The following GEN1 variants were observed in gnomAD, a reference collection of about 807,000 sequenced individuals.
GEN1 encodes the protein flap endonuclease GEN homolog 1.
In GEN1, 64 loss-of-function variants were observed where a neutral mutation model predicts 67.6. The observed-to-expected ratio is 0.95, with a 90% CI of 0.77 to 1.17. GEN1 has a LOEUF of 1.17. Ranked by LOEUF, GEN1 falls within the 50% of genes most tolerant of loss-of-function variation. The probability of loss-of-function intolerance (pLI) is 0.00; values close to 1 mark genes in which losing one functional copy is unlikely to be tolerated. For missense variants in GEN1, 1,058 were observed against 1,048.3 expected, an observed-to-expected ratio of 1.01 and a Z score of -0.13; for synonymous variants, 371 against 359.4, an observed-to-expected ratio of 1.03 and a Z score of -0.37.
chr2:17,774,463 ATT>A, intron 11 of GEN1, 62 bp downstream of exon 11: 1 of 1,372,968 alleles, frequency 7.3e-7, no homozygotes, highest in Non-Finnish European at 9.8e-7. Context: ...TAATTAAAAT[ATT>A]CCTAATATCT....
intron 11 of GEN1, among the ~76,000 whole-genome samples, chr2:17,776,582 G>A (rs922324049): frequency 1.3e-5 from 2 of 152,232 alleles, no homozygotes; most frequent in Middle Eastern, 3.4e-3. Context: ...TACTATTTTT[G>A]CAACTTTTAT....
chr2:17,764,884 T>C lies in GEN1; in HGVS notation c.349-13T>C, dbSNP rs759120118. The C allele has an allele frequency of 6.2e-7, 1 of 1,607,364 alleles. No homozygotes were observed. Among genetic ancestry groups the C allele is most frequent in the Admixed American group, 1.7e-5 (1 of 58,018 alleles). On this transcript the variant is annotated splice_polypyrimidine_tract_variant and intron_variant, in intron 3 of 13. Transcript: ENST00000381254. ...ACATTCTTTAACATCTTGCACCTGC[T>C]TTTTGTTTTCAGTGCCTCCATATGC...
rs1672894461 is a variant in GEN1 at position 17,782,515 on chromosome 2, G to A, written c.*576G>A. The A allele has an allele frequency of 6.6e-6, 1 of 152,104 alleles. No homozygotes were observed. 9.4% of individuals were successfully genotyped at this position (152,104 alleles called of 1,614,324 possible). The stretch of plus-strand genomic sequence containing the variant: ...ACCTTTAGTGTGCTCTTCCACTTTT[G>A]GTGTCTTAGTCTCTTTTGAGGGGCA... On this transcript the variant is annotated 3_prime_UTR_variant, in exon 14 of 14. Coordinates refer to ENST00000381254, the MANE Select transcript of GEN1 (RefSeq NM_001130009.3).
chr2:17,766,913 G>C (rs1671962876), intron 5 of GEN1, among the ~76,000 whole-genome samples: 1 of 152,156 alleles, frequency 6.6e-6, no homozygotes. Context: ...GAATAATGTA[G>C]TACCACAGCT....
intron 5 of GEN1, 27 bp from the exon 6 acceptor site, chr2:17,768,711 A>G (rs1193622252): frequency 1.3e-6 from 2 of 1,520,314 alleles, no homozygotes; most frequent in Non-Finnish European, 1.8e-6. Context: ...TAACATTGGA[A>G]TTATTTTTTT....
In GEN1 at chr2:17,781,821, C is replaced by G. The variant is rs1021584208; in HGVS notation, c.2609C>G (p.Ser870Ter). ...AATGAAGAAAGCTGTTTCCCAGATT[C>G]AACAAAAAGTTCTCTGAGTTCTCTA... Reference protein sequence around the residue: ...AENEESCFPDSTKSSLSSLQC... With the variant: ...AENEESCFPD The change falls in exon 14 of 14, where the codon TCA becomes TGA. Residue 870 changes from serine to a stop codon, truncating the protein, a stop_gained. Coordinates refer to ENST00000381254, the MANE Select transcript of GEN1 (RefSeq NM_001130009.3). LOFTEE classifies it low-confidence loss of function (END_TRUNC). 6 of 1,597,492 alleles carry G rather than the reference C, an allele frequency of 3.8e-6. No homozygotes were observed. The highest frequency in any genetic ancestry group is 1.3e-5 in the African/African-American group (1 of 74,182).
In GEN1 at chr2:17,780,772, A is replaced by G. The variant is rs1400736973; in HGVS notation, c.1560A>G (p.Glu520=). The change falls in exon 14 of 14, where the codon GAA becomes GAG. Residue 520 remains glutamate, a synonymous_variant. Transcript: ENST00000381254. ...CCCCTGATCCTACATTACCACAGGA[A>G]TCTATTTCTGCCTCATTGAATAGCT... is the stretch of plus-strand genomic sequence containing the variant. ...GISPDPTLPQ[E]SISASLNSLL... 2.5e-6 allele frequency: 4 copies of G among 1,613,912 alleles called. No individual in the cohort carries two copies. The African/African-American group carries it at 5.3e-5, about 22-fold the overall frequency.
rs767470039 is a variant in GEN1 at position 17,781,965 on chromosome 2, A to C, written c.*26A>C. ...AATTTAAAACACTTAGGTATAACTT[A>C]ACTATTTTAGTACTATCAGCAATAG... is the stretch of plus-strand genomic sequence containing the variant. On this transcript the variant is annotated 3_prime_UTR_variant, in exon 14 of 14. Transcript: ENST00000381254. 40 of 1,317,536 alleles carry C rather than the reference A, an allele frequency of 3.0e-5. No individual in the cohort carries two copies. The highest frequency in any genetic ancestry group is 5.8e-5 in the South Asian group (4 of 69,540). 81.6% of individuals were successfully genotyped at this position (1,317,536 alleles called of 1,614,324 possible). A position where few individuals can be genotyped will look rare whatever the true frequency, so the allele number is the denominator to read the frequency against.
chr2:17,768,762 C>T lies in GEN1; in HGVS notation c.661C>T (p.Gln221Ter). ...GGGAGTCCCTGGAGTTGGAAAAGAG[C>T]AAGCATTAAAACTTATACAGATTTT... ...PKGVPGVGKE[Q>*]ALKLIQILKG... Residue 221 changes from glutamine to a stop codon, truncating the protein, a stop_gained, in exon 6 of 14, where the codon CAA becomes TAA. Transcript: ENST00000381254. LOFTEE classifies it high-confidence loss of function. 6.2e-7 allele frequency: 1 copy of T among 1,610,898 alleles called. No homozygotes were observed. The highest frequency in any genetic ancestry group is 8.5e-7 in the Non-Finnish European group (1 of 1,178,084).
Position 17,787,048 on chromosome 2 carries a change from T to C in GEN1, c.*5109T>C, listed in dbSNP as rs924974725. On this transcript the variant is annotated 3_prime_UTR_variant, in exon 14 of 14. Coordinates refer to ENST00000381254, the MANE Select transcript of GEN1 (RefSeq NM_001130009.3). ...TTGGCTCTAGCCACCTAAGACCATT[T>C]GTTATTCCCTGCACGGATGTCTCTG... 2.0e-5 allele frequency: 3 copies of C among 152,216 alleles called. No homozygotes were observed. Among genetic ancestry groups the C allele is most frequent in the Non-Finnish European group, 2.9e-5 (2 of 68,058 alleles). 9.4% of individuals were successfully genotyped at this position (152,216 alleles called of 1,614,324 possible). A position where few individuals can be genotyped will look rare whatever the true frequency, so the allele number is the denominator to read the frequency against.
intron 1 of GEN1, among the ~76,000 whole-genome samples, chr2:17,756,763 T>C (rs1218970789): frequency 6.6e-6 from 1 of 152,174 alleles, no homozygotes; most frequent in Non-Finnish European, 1.5e-5. Context: ...TGCTGAGCCA[T>C]TTTCAAATAA....
At chr2:17,759,839 C>T in intron 1 of GEN1, 90 bp from the exon 2 acceptor site, 3 of 1,125,344 alleles carry the variant, frequency 2.7e-6, no homozygotes, top group Non-Finnish European at 3.9e-6. Context: ...TATGAATTAT[C>T]CTGAACTGGC....
chr2:17,779,410 C>G (rs1332935155), intron 12 of GEN1, among the ~76,000 whole-genome samples: 1 of 152,246 alleles, frequency 6.6e-6, no homozygotes, highest in South Asian at 2.1e-4. Context: ...CTGCTACCAT[C>G]TCTGAAATAA....
Position 17,764,698 on chromosome 2 carries a change from TAA to T in GEN1, c.349-196_349-195del, listed in dbSNP as rs374036396. On this transcript the variant is annotated intron_variant, in intron 3 of 13. Coordinates refer to ENST00000381254, the MANE Select transcript of GEN1 (RefSeq NM_001130009.3). ...ACAATATAATTTTTATTAGCACACG[TAA>T]AAGTTTGGCAGTTCATTCCTTAAAG... Among the ~76,000 whole-genome samples the T allele has an allele frequency of 3.1e-3, 473 of 152,282 alleles. 4 individuals are homozygous for T. The highest frequency in any genetic ancestry group is 0.011 in the African/African-American group (449 of 41,562).
Position 17,785,461 on chromosome 2 carries a change from G to C in GEN1, c.*3522G>C, listed in dbSNP as rs1485844372. On this transcript the variant is annotated 3_prime_UTR_variant, in exon 14 of 14. Transcript: ENST00000381254. Reference sequence around the variant, plus strand: ...CTTTGAAATACTCTGCCAAAGATCTGCCTCCAGCTGCTAGGATCCTGTAAT... The same window carrying C: ...CTTTGAAATACTCTGCCAAAGATCTCCCTCCAGCTGCTAGGATCCTGTAAT... The C allele has an allele frequency of 1.3e-5, 2 of 152,322 alleles. No individual in the cohort carries two copies. Among genetic ancestry groups the C allele is most frequent in the Non-Finnish European group, 2.9e-5 (2 of 68,140 alleles). The allele number at this position is 152,322 out of a possible 1,614,324, so 9.4% of individuals were successfully genotyped here. A position where few individuals can be genotyped will look rare whatever the true frequency, so the allele number is the denominator to read the frequency against.
chr2:17,784,141 A>G lies in GEN1; in HGVS notation c.*2202A>G, dbSNP rs1353981919. ...TGGTATATAAAGAACTCGTAACTCA[A>G]TTATAAAAAGACAACTTTGAAATGG... On this transcript the variant is annotated 3_prime_UTR_variant, in exon 14 of 14. Transcript: ENST00000381254. The G allele has an allele frequency of 1.3e-5, 2 of 152,230 alleles. No individual in the cohort carries two copies. The highest frequency in any genetic ancestry group is 2.9e-5 in the Non-Finnish European group (2 of 68,036). The allele number at this position is 152,230 out of a possible 1,614,324, so 9.4% of individuals were successfully genotyped here. A position where few individuals can be genotyped will look rare whatever the true frequency, so the allele number is the denominator to read the frequency against.
At chr2:17,765,178 C>G in intron 4 of GEN1, 105 bp downstream of exon 4, 1 of 1,024,686 alleles carries the variant, frequency 9.8e-7, no homozygotes, top group Non-Finnish European at 1.4e-6. Flanking sequence ...TAATGCCTTG[C>G]ACGTAGCAAT....
chr2:17,778,322 A>ATATATG (rs10626432), intron 12 of GEN1, among the ~76,000 whole-genome samples: 2 of 19,122 alleles, frequency 1.0e-4, no homozygotes, highest in African/African-American at 3.2e-4. Context: ...ATACACACAC[A>ATATATG]CGTGTACATA....
rs940418191 is a variant in GEN1, at chr2:17,784,299, A to G, written c.*2360A>G. On this transcript the variant is annotated 3_prime_UTR_variant, in exon 14 of 14. Transcript: ENST00000381254. Reference sequence around the variant, plus strand: ...CACAAGACACCCAATGTCTACAATCAAAAAGATAATAACTAGTATTGATGA... The same window carrying G: ...CACAAGACACCCAATGTCTACAATCGAAAAGATAATAACTAGTATTGATGA... 2.0e-5 allele frequency: 3 copies of G among 152,226 alleles called. No individual in the cohort carries two copies. Among genetic ancestry groups the G allele is most frequent in the African/African-American group, 7.2e-5 (3 of 41,474 alleles). The allele number at this position is 152,226 out of a possible 1,614,324, so 9.4% of individuals were successfully genotyped here.
Sources: gnomAD v4.1 joint callset for allele counts (sites outside exome capture counted in the v4.1 genomes callset) on GRCh38, gnomAD v4.1.1 for gene constraint, MANE v1.5 for transcripts, NCBI Gene and HGNC (gene_info 2026-07-23, HGNC 2026-07-21) for gene names.